The following SPAG6 variants were observed in gnomAD, a reference collection of about 807,000 sequenced individuals.
SPAG6 encodes the protein sperm-associated antigen 6.
SPAG6 carries 49 observed loss-of-function variants against 58.5 expected under a neutral mutation model. The ratio of observed to expected loss-of-function variants is 0.84; its 90% CI spans 0.67 to 1.06. SPAG6 has a LOEUF of 1.06. Ranked by LOEUF, SPAG6 falls within the 50% of genes least tolerant of loss-of-function variation. The pLI is 0.00. For synonymous variants in SPAG6, 233 were observed against 225.6 expected (o/e 1.03, Z -0.29); for missense variants, 560 against 611.3 (o/e 0.92, Z 0.89).
intron 10 of SPAG6, chr10:22,412,707 G>A (rs982798532): frequency 1.7e-5 from 7 of 412,652 alleles, no homozygotes; most frequent in Non-Finnish European, 2.6e-5. Flanking sequence ...AAGTAGCTGG[G>A]ACTACAGGCA....
At chr10:22,389,411 G>A in intron 7 of SPAG6, 99 bp downstream of exon 7, 2 of 1,278,166 alleles carry the variant, frequency 1.6e-6, no homozygotes, top group Admixed American at 2.4e-5. Context: ...TAACTGACTG[G>A]AGCAAAAAAA....
chr10:22,345,574 C>G lies in SPAG6; in HGVS notation c.-38C>G, dbSNP rs1836494875. On this transcript the variant is annotated 5_prime_UTR_variant, in exon 1 of 11. Transcript: ENST00000376624. The surrounding 1 kb of genome is among the most constrained non-coding windows in gnomAD (Gnocchi z 6.3). ...GGACTCGCAGGCCGAGCGGCTTCCC[C>G]GCAGAGCTCGAGGAGGGCAGACGGC... The G allele has an allele frequency of 6.6e-7, 1 of 1,514,510 alleles. No homozygotes were observed. Among genetic ancestry groups the G allele is most frequent in the East Asian group, 2.5e-5 (1 of 40,066 alleles). 93.8% of individuals were successfully genotyped at this position (1,514,510 alleles called of 1,614,324 possible).
chr10:22,370,768 T>C (rs994454774), intron 4 of SPAG6, among the ~76,000 whole-genome samples: 1 of 152,240 alleles, frequency 6.6e-6, no homozygotes, highest in African/African-American at 2.4e-5. Flanking sequence ...TTAAGACTAT[T>C]GTTTAGTACA....
intron 8 of SPAG6, among the ~76,000 whole-genome samples, chr10:22,396,325 G>T (rs1055324878): frequency 6.6e-6 from 1 of 152,144 alleles, no homozygotes; most frequent in African/African-American, 2.4e-5. Context: ...CATGATAGTG[G>T]ATGGTTTTAT....
chr10:22,358,686 G>A (rs895751981), intron 2 of SPAG6, among the ~76,000 whole-genome samples: 1 of 151,812 alleles, frequency 6.6e-6, no homozygotes, highest in Non-Finnish European at 1.5e-5. Context: ...TAATGCCTAG[G>A]TTTTCTTCTA....
chr10:22,410,662 G>A (rs532594300), intron 9 of SPAG6, among the ~76,000 whole-genome samples: 5 of 152,174 alleles, frequency 3.3e-5, no homozygotes, highest in Non-Finnish European at 7.3e-5. Flanking sequence ...GGAGATTAGT[G>A]GTGGCTGGAG....
intron 5 of SPAG6, among the ~76,000 whole-genome samples, chr10:22,387,329 A>G (rs2132081566): frequency 6.6e-6 from 1 of 152,312 alleles, no homozygotes; most frequent in East Asian, 1.9e-4. Context: ...ATAGCTTTCT[A>G]AAATCTGATT....
chr10:22,409,074 A>G (rs546448996), intron 9 of SPAG6, among the ~76,000 whole-genome samples: 1 of 152,254 alleles, frequency 6.6e-6, no homozygotes, highest in Admixed American at 6.5e-5. Context: ...AAATGCAGAA[A>G]TCACCCGTCC....
intron 8 of SPAG6, among the ~76,000 whole-genome samples, chr10:22,392,128 A>G (rs1265269543): frequency 6.6e-6 from 1 of 152,276 alleles, no homozygotes; most frequent in Middle Eastern, 3.4e-3. Context: ...ATGGGTGCAA[A>G]GTTGTTTGTA....
chr10:22,360,679 A>G (rs1315290268), intron 2 of SPAG6: 1 of 479,302 alleles, frequency 2.1e-6, no homozygotes, highest in African/African-American at 2.0e-5. Context: ...TGTTATTTTT[A>G]GTATTGGATA....
At chr10:22,352,692 AT>A (rs779490539) in intron 2 of SPAG6, among the ~76,000 whole-genome samples, 12 of 152,004 alleles carry the variant, frequency 7.9e-5, no homozygotes, top group Non-Finnish European at 1.6e-4. Context: ...TAATTTTTGT[AT>A]TTTTAGTAGA....
chr10:22,351,806 T>C (rs1836734089), intron 2 of SPAG6, among the ~76,000 whole-genome samples: 1 of 152,170 alleles, frequency 6.6e-6, no homozygotes, highest in Non-Finnish European at 1.5e-5. Flanking sequence ...ATCTTGATTT[T>C]CCCATATGAT....
At chr10:22,347,683 T>C (rs1836603855) in intron 2 of SPAG6, among the ~76,000 whole-genome samples, 1 of 152,340 alleles carries the variant, frequency 6.6e-6, no homozygotes, top group South Asian at 2.1e-4. Context: ...CAATGTAGAC[T>C]TCACAATGGA....
intron 10 of SPAG6, among the ~76,000 whole-genome samples, chr10:22,413,758 T>C (rs1834802886): frequency 6.6e-6 from 1 of 151,226 alleles, no homozygotes; most frequent in Non-Finnish European, 1.5e-5. Context: ...TTTAAAGCAT[T>C]AGGTTCTATA....
In SPAG6 at chr10:22,364,936, G is replaced by T. The variant is rs569982366; in HGVS notation, c.205G>T (p.Ala69Ser). ...QTAALALGRL[A>S]NYNDDLAEAV... ...TGCTGCTTTGGCTCTTGGGAGACTG[G>T]CCAATTATAATGATGACCTAGCAGA... is the stretch of plus-strand genomic sequence containing the variant. The change falls in exon 3 of 11, where the codon GCC becomes TCC. Residue 69 changes from alanine (A) to serine (S), a missense_variant. Ala to Ser is a moderately conservative substitution (Grantham distance 99). Transcript: ENST00000376624. The T allele has an allele frequency of 2.0e-5, 33 of 1,613,114 alleles. No individual in the cohort carries two copies. In the South Asian group the frequency reaches 3.4e-4, roughly 17 times the overall value.
chr10:22,378,425 T>G (rs1481747886), intron 4 of SPAG6, among the ~76,000 whole-genome samples: 1 of 151,826 alleles, frequency 6.6e-6, no homozygotes, highest in Non-Finnish European at 1.5e-5. Flanking sequence ...AGGTTTTTTT[T>G]TTTTTTTTTT....
At chr10:22,366,529 T>C (rs950939956) in intron 3 of SPAG6, among the ~76,000 whole-genome samples, 1 of 152,200 alleles carries the variant, frequency 6.6e-6, no homozygotes, top group Non-Finnish European at 1.5e-5. Context: ...TGCCACTAAA[T>C]TGTATACTTT....
intron 9 of SPAG6, among the ~76,000 whole-genome samples, chr10:22,403,353 C>A (rs1453152101): frequency 6.6e-6 from 1 of 151,706 alleles, no homozygotes; most frequent in East Asian, 2.0e-4. Context: ...TCTCATTGTT[C>A]AATTCCCACC....
Position 22,416,722 on chromosome 10 carries a change from A to G in SPAG6, c.*34A>G, listed in dbSNP as rs995117617. The G allele has an allele frequency of 3.4e-5, 45 of 1,337,176 alleles. No homozygotes were observed. The highest frequency in any genetic ancestry group is 4.5e-5 in the Non-Finnish European group (42 of 931,726). The allele number at this position is 1,337,176 out of a possible 1,614,324, so 82.8% of individuals were successfully genotyped here. ...ATATTGTGATACTCAAATTCACAGCAGAGTAGTTTTGAGTAACAGTAATTA... is the reference window on the plus strand; with the variant it reads ...ATATTGTGATACTCAAATTCACAGCGGAGTAGTTTTGAGTAACAGTAATTA... On this transcript the variant is annotated 3_prime_UTR_variant, in exon 11 of 11. Coordinates refer to ENST00000376624, the MANE Select transcript of SPAG6 (RefSeq NM_012443.4).
Sources: gnomAD v4.1 joint callset for allele counts (sites outside exome capture counted in the v4.1 genomes callset) on GRCh38, gnomAD v4.1.1 for gene constraint, Gnocchi (gnomAD v3.1) non-coding constraint, MANE v1.5 for transcripts, NCBI Gene and HGNC (gene_info 2026-07-23, HGNC 2026-07-21) for gene names.